The following ZNF831 variants were observed in gnomAD, a reference collection of about 807,000 sequenced individuals.
The protein encoded by ZNF831 is chromosome 20 open reading frame 174.
ZNF831 carries 59 observed loss-of-function variants against 95.8 expected under a neutral mutation model. The ratio of observed to expected loss-of-function variants is 0.62; its 90% CI spans 0.50 to 0.77. The LOEUF is 0.77. ZNF831 is among the 30% of genes least tolerant of loss of function. ZNF831 has a pLI of 0.00. For missense variants in ZNF831, 2,205 were observed against 2,164.0 expected (o/e 1.02, Z -0.38); for synonymous variants, 961 against 925.5 (o/e 1.04, Z -0.70).
Position 59,192,163 on chromosome 20 carries a change from G to A in ZNF831, c.1144G>A (p.Gly382Arg), listed in dbSNP as rs2146560803. 6.4e-7 allele frequency: 1 copy of A among 1,561,426 alleles called. No homozygotes were observed. The highest frequency in any genetic ancestry group is 8.6e-7 in the Non-Finnish European group (1 of 1,159,468). Reference protein sequence around the residue: ...ESEGEGGPGPGPGVAGAEPGA... With the variant: ...ESEGEGGPGPRPGVAGAEPGA... ...CGAGGGGGAGGGCGGCCCGGGCCCG[G>A]GGCCAGGGGTCGCAGGGGCCGAGCC... Residue 382 changes from glycine (G) to arginine (R), a missense_variant, in exon 2 of 6, where the codon GGG becomes AGG. Physicochemically the swap from Gly to Arg is moderately radical, Grantham distance 125. Transcript: ENST00000371030. This position sits in a 1 kb window ranked among gnomAD's most constrained non-coding sequence, Gnocchi z 5.2.
At chr20:59,242,429 A>C (rs1987387992) in intron 4 of ZNF831, among the ~76,000 whole-genome samples, 1 of 152,188 alleles carries the variant, frequency 6.6e-6, no homozygotes, top group Non-Finnish European at 1.5e-5. Context: ...AGGTATTTTC[A>C]CTAATTATAT....
intron 2 of ZNF831, among the ~76,000 whole-genome samples, chr20:59,150,357 C>G (rs934553065): frequency 4.6e-5 from 7 of 152,212 alleles, no homozygotes; most frequent in African/African-American, 1.7e-4. Flanking sequence ...CAGTGGACCT[C>G]GGGTCACAGG....
upstream of ZNF831, among the ~76,000 whole-genome samples, chr20:59,163,236 G>A (rs917985102): frequency 1.3e-5 from 2 of 152,172 alleles, no homozygotes; most frequent in African/African-American, 4.8e-5. Context: ...CATATCATCA[G>A]TGAAGAGAGA....
At chr20:59,142,412 C>T (rs1034126644) in intron 1 of ZNF831, among the ~76,000 whole-genome samples, 5 of 152,188 alleles carry the variant, frequency 3.3e-5, no homozygotes, top group Non-Finnish European at 5.9e-5. Context: ...TTCTTTCCTC[C>T]GTGAAAGGCC....
chr20:59,194,823 C>G (rs2146605367), intron 2 of ZNF831, 66 bp downstream of exon 2: 1 of 1,475,458 alleles, frequency 6.8e-7, no homozygotes, highest in East Asian at 2.4e-5. Context: ...TAAGACCTCT[C>G]ATGAGGGAAG....
chr20:59,174,427 G>A (rs1247318346), intron 1 of ZNF831, among the ~76,000 whole-genome samples: 1 of 152,104 alleles, frequency 6.6e-6, no homozygotes, highest in African/African-American at 2.4e-5. Flanking sequence ...TTTACCAGTT[G>A]GAGTGAAGAG....
chr20:59,187,707 G>A (rs2146533740), intron 1 of ZNF831, among the ~76,000 whole-genome samples: 1 of 152,274 alleles, frequency 6.6e-6, no homozygotes, highest in Middle Eastern at 3.4e-3. Flanking sequence ...ATGGCACTTA[G>A]TACATTCATA....
chr20:59,199,101 A>G (rs1387877795), intron 3 of ZNF831, among the ~76,000 whole-genome samples: 1 of 114,280 alleles, frequency 8.8e-6, no homozygotes, highest in Non-Finnish European at 1.6e-5. Flanking sequence ...CTATCTATCT[A>G]TCTATCTATC....
chr20:59,240,114 C>T (rs1420259313), intron 4 of ZNF831, among the ~76,000 whole-genome samples: 2 of 151,480 alleles, frequency 1.3e-5, no homozygotes, highest in South Asian at 4.2e-4. Context: ...CTTCTCACCC[C>T]CACCCCCACC....
chr20:59,174,744 A>G (rs1163662428), intron 1 of ZNF831, among the ~76,000 whole-genome samples: 1 of 152,222 alleles, frequency 6.6e-6, no homozygotes, highest in Non-Finnish European at 1.5e-5. Flanking sequence ...AAAAAAAACA[A>G]AAAACAAAAC....
At chr20:59,246,114 G>A (rs1568794505) in intron 4 of ZNF831, among the ~76,000 whole-genome samples, 2 of 152,122 alleles carry the variant, frequency 1.3e-5, no homozygotes, top group African/African-American at 2.4e-5. Flanking sequence ...GTCTCCTTGC[G>A]CTCACATAAT....
chr20:59,133,783 C>T (rs1979418379), intron 1 of ZNF831, among the ~76,000 whole-genome samples: 1 of 152,214 alleles, frequency 6.6e-6, no homozygotes, highest in Non-Finnish European at 1.5e-5. Context: ...AGCTCAGCGG[C>T]AAGGACGAGC....
At position 59,253,879 on chromosome 20, in the gene ZNF831, C is replaced by CT; in HGVS notation, c.4189-19_4189-18insT. ...TAACCTCCCCCCCCACTTTTTTTTT[C>CT]CTTTGCACTTTGTTGCAGGATATTT... On this transcript the variant is annotated intron_variant, in intron 5 of 5. Coordinates refer to ENST00000371030, the MANE Select transcript of ZNF831 (RefSeq NM_178457.3). 1.2e-5 allele frequency: 6 copies of CT among 489,118 alleles called. No individual in the cohort carries two copies. Among genetic ancestry groups the CT allele is most frequent in the East Asian group, 9.4e-5 (1 of 10,604 alleles). The allele number at this position is 489,118 out of a possible 1,614,324, so 30.3% of individuals were successfully genotyped here. A position where few individuals can be genotyped will look rare whatever the true frequency, so the allele number is the denominator to read the frequency against.
intron 4 of ZNF831, among the ~76,000 whole-genome samples, chr20:59,222,895 C>G (rs1986186705): frequency 6.6e-6 from 1 of 152,128 alleles, no homozygotes; most frequent in South Asian, 2.1e-4. Context: ...AGGCTGAAGC[C>G]GAAGGAAGGG....
chr20:59,124,557 G>A (rs1191150758), intron 1 of ZNF831, among the ~76,000 whole-genome samples: 1 of 152,186 alleles, frequency 6.6e-6, no homozygotes, highest in Non-Finnish European at 1.5e-5. Context: ...ATGTACCTAA[G>A]CAGCCTGTGC....
chr20:59,187,223 C>T (rs1983121395), intron 1 of ZNF831, among the ~76,000 whole-genome samples: 1 of 152,286 alleles, frequency 6.6e-6, no homozygotes, highest in Non-Finnish European at 1.5e-5. Flanking sequence ...TTCTTCCCCC[C>T]AGCTCCAAAT....
chr20:59,253,676 C>T (rs1455510381), intron 5 of ZNF831, among the ~76,000 whole-genome samples: 1 of 152,140 alleles, frequency 6.6e-6, no homozygotes, highest in Non-Finnish European at 1.5e-5. Context: ...CACAGGACGT[C>T]AGCAACCTAT....
At chr20:59,141,785 A>AT (rs1184046244) in intron 1 of ZNF831, among the ~76,000 whole-genome samples, 1 of 152,248 alleles carries the variant, frequency 6.6e-6, no homozygotes, top group Non-Finnish European at 1.5e-5. Flanking sequence ...AGGAAAACAC[A>AT]TAAGTTTGCT....
At chr20:59,244,236 G>A (rs1476417564) in intron 4 of ZNF831, among the ~76,000 whole-genome samples, 2 of 152,098 alleles carry the variant, frequency 1.3e-5, no homozygotes, top group African/African-American at 4.8e-5. Flanking sequence ...AAAAAAATAG[G>A]ATAGTACAGA....
Sources: allele counts gnomAD v4.1 joint callset (sites outside exome capture counted in the v4.1 genomes callset), GRCh38; gene constraint gnomAD v4.1.1; non-coding constraint Gnocchi (gnomAD v3.1); transcripts MANE v1.5; gene names NCBI Gene and HGNC (gene_info 2026-07-23, HGNC 2026-07-21).